The following KRT7 variants were observed in gnomAD, a reference collection of about 807,000 sequenced individuals.
KRT7 encodes keratin, type II cytoskeletal 7.
KRT7 carries 50 observed loss-of-function variants against 42.8 expected under a neutral mutation model. The ratio of observed to expected loss-of-function variants is 1.17; its 90% CI spans 0.93 to 1.48. The LOEUF is 1.48. Ranked by LOEUF, KRT7 falls within the 40% of genes most tolerant of loss-of-function variation. The pLI, the probability that KRT7 is intolerant of heterozygous loss-of-function variation, is 0.00. For synonymous variants in KRT7, 268 were observed against 266.3 expected (o/e 1.01, Z -0.06); for missense variants, 588 against 637.6 (o/e 0.92, Z 0.84).
At chr12:52,251,231 T>C (rs150525290), downstream of KRT7, among the ~76,000 whole-genome samples, 267 of 152,268 alleles carry the variant, frequency 1.8e-3, 1 homozygote, top group African/African-American at 6.1e-3. Flanking sequence ...CCACCTGCCT[T>C]GGCCTCCCAA....
intron 7 of KRT7, chr12:52,247,441 G>A (rs1370075278): frequency 1.3e-5 from 2 of 152,322 alleles, no homozygotes; most frequent in African/African-American, 4.8e-5. Flanking sequence ...AGAGGCCAGC[G>A]AGGCTCCCTT....
At position 52,238,059 on chromosome 12, in the gene KRT7, G is replaced by A. The variant is rs1367225687; in HGVS notation, c.597+490G>A. 2.0e-5 allele frequency among the ~76,000 whole-genome samples: 3 copies of A among 152,136 alleles called. No homozygotes were observed. The East Asian group carries it at 5.8e-4, about 29-fold the overall frequency. On this transcript the variant is annotated intron_variant, in intron 3 of 8. Coordinates refer to ENST00000331817, the MANE Select transcript of KRT7 (RefSeq NM_005556.4). Reference sequence around the variant, plus strand: ...ATTCTCTTCAATACACTGAGCAGTTGGTGTTCCAGGCCAAACCACAGAATT... The same window carrying A: ...ATTCTCTTCAATACACTGAGCAGTTAGTGTTCCAGGCCAAACCACAGAATT...
downstream of KRT7, among the ~76,000 whole-genome samples, chr12:52,251,320 GGAA>G (rs1381659915): frequency 1.3e-5 from 2 of 152,144 alleles, no homozygotes; most frequent in Admixed American, 6.5e-5. Context: ...GGGCCACACT[GGAA>G]GAAGAAGAAT....
Position 52,245,506 on chromosome 12 carries a change from C to T in KRT7, c.1079C>T (p.Ala360Val). ...ARAKQEELEA[A>V]LQRGKQDMAR... is the part of the protein sequence containing the mutation. Reference sequence around the variant, plus strand: ...GCCAAGCAGGAGGAGCTGGAAGCCGCCCTGCAGCGGGGCAAGCAGGATATG... The same window carrying T: ...GCCAAGCAGGAGGAGCTGGAAGCCGTCCTGCAGCGGGGCAAGCAGGATATG... The change falls in exon 7 of 9, where the codon GCC becomes GTC. Residue 360 changes from alanine (A) to valine (V), a missense_variant. Ala to Val is a moderately conservative substitution (Grantham distance 64). Coordinates refer to ENST00000331817, the MANE Select transcript of KRT7 (RefSeq NM_005556.4). 1 of 1,614,038 alleles carries T rather than the reference C, an allele frequency of 6.2e-7. No homozygotes were observed. Among genetic ancestry groups the T allele is most frequent in the Non-Finnish European group, 8.5e-7 (1 of 1,179,898 alleles).
In KRT7 at chr12:52,245,544, C is replaced by T. The variant is rs758674885; in HGVS notation, c.1117C>T (p.Arg373Cys). ...CAAGCAGGATATGGCACGGCAGCTG[C>T]GTGAGTACCAGGAACTCATGAGCGT... ...RGKQDMARQL[R>C]EYQELMSVKL... The change falls in exon 7 of 9, where the codon CGT becomes TGT. Residue 373 changes from arginine (R) to cysteine (C), a missense_variant. Physicochemically the swap from Arg to Cys is radical, Grantham distance 180. Coordinates refer to ENST00000331817, the MANE Select transcript of KRT7 (RefSeq NM_005556.4). 1.7e-5 allele frequency: 28 copies of T among 1,614,016 alleles called. No homozygotes were observed. Among genetic ancestry groups the T allele is most frequent in the African/African-American group, 1.3e-4 (10 of 74,944 alleles).
At chr12:52,254,786 G>A (rs907214004), downstream of KRT7, among the ~76,000 whole-genome samples, 1 of 152,168 alleles carries the variant, frequency 6.6e-6, no homozygotes, top group African/African-American at 2.4e-5. Context: ...TTCCAAGTCA[G>A]TGTCACTCTG....
chr12:52,244,593 T>C (rs1305160449), intron 6 of KRT7: 18 of 985,798 alleles, frequency 1.8e-5, no homozygotes, highest in Non-Finnish European at 2.2e-5. Context: ...GAAGAGGATC[T>C]GAGGATAGAG....
chr12:52,253,328 A>T, downstream of KRT7: 1 of 1,612,818 alleles, frequency 6.2e-7, no homozygotes, highest in Non-Finnish European at 8.5e-7. Context: ...CGTGGCCTTC[A>T]TCTCCTCACA....
chr12:52,254,530 A>G (rs1195083635), downstream of KRT7, among the ~76,000 whole-genome samples: 1 of 152,108 alleles, frequency 6.6e-6, no homozygotes, highest in Non-Finnish European at 1.5e-5. Context: ...AGCCCCTTAT[A>G]CAGTTAGTAG....
rs149349570 is a variant in KRT7, at chr12:52,235,202, G to A, written c.372G>A (p.Thr124=). ...ACAAGCTGCTGGAGACCAAGTGGAC[G>A]CTGCTGCAGGAGCAGAAGTCGGCCA... ...QQNKLLETKW[T]LLQEQKSAKS... The change falls in exon 2 of 9, where the codon ACG becomes ACA. Residue 124 remains threonine, a synonymous_variant. Transcript: ENST00000331817. The A allele has an allele frequency of 2.2e-5, 36 of 1,614,042 alleles. 1 individual carries two copies. In the South Asian group the frequency reaches 2.3e-4, roughly 10 times the overall value.
chr12:52,239,934 C>T (rs1565718846), intron 4 of KRT7, among the ~76,000 whole-genome samples: 1 of 152,226 alleles, frequency 6.6e-6, no homozygotes, highest in South Asian at 2.1e-4. Flanking sequence ...GGTGGCCAGT[C>T]ACCTGGCAGA....
intron 7 of KRT7, 182 bp from the exon 8 acceptor site, chr12:52,247,995 G>T: frequency 1.6e-6 from 1 of 634,130 alleles, no homozygotes; most frequent in Non-Finnish European, 2.8e-6. Flanking sequence ...GAAGGGCCAA[G>T]GTGAACACTC....
chr12:52,240,156 CAT>C (rs967811555), intron 4 of KRT7, among the ~76,000 whole-genome samples: 23 of 122,228 alleles, frequency 1.9e-4, no homozygotes, highest in Admixed American at 1.9e-4. Context: ...TGTAAACACA[CAT>C]GTGTACACAC....
At position 52,244,188 on chromosome 12, in the gene KRT7, C is replaced by T. The variant is rs974657720; in HGVS notation, c.984+1051C>T. Among the ~76,000 whole-genome samples, 2 of 152,256 alleles carry T rather than the reference C, an allele frequency of 1.3e-5. 1 individual carries two copies. The highest frequency in any genetic ancestry group is 1.3e-4 in the Admixed American group (2 of 15,290). ...GGTGATTTACCCACAAATGTCCTCC[C>T]CTTGGAGCCCTGTGGGCCTGTTTAC... On this transcript the variant is annotated intron_variant, in intron 6 of 8. Transcript: ENST00000331817.
chr12:52,254,925 G>A (rs1298349475), downstream of KRT7, among the ~76,000 whole-genome samples: 1 of 152,224 alleles, frequency 6.6e-6, no homozygotes. Flanking sequence ...GGCAAGGAAT[G>A]ACGGTCACTG....
chr12:52,253,486 C>T (rs925486298), downstream of KRT7: 2 of 1,547,226 alleles, frequency 1.3e-6, no homozygotes, highest in Non-Finnish European at 1.8e-6. Context: ...AGAGAGGCAG[C>T]CCTTATCTTC....
At chr12:52,236,093 C>G (rs1942008255) in intron 2 of KRT7, among the ~76,000 whole-genome samples, 1 of 152,002 alleles carries the variant, frequency 6.6e-6, no homozygotes, top group Admixed American at 6.5e-5. Flanking sequence ...CTGAGGGGCA[C>G]TGGGGCAGTG....
At chr12:52,253,019 T>C (rs1200064160), downstream of KRT7, among the ~76,000 whole-genome samples, 1 of 152,192 alleles carries the variant, frequency 6.6e-6, no homozygotes. Flanking sequence ...TGGAAGCACC[T>C]CATTCCCTCC....
At chr12:52,238,938 G>C (rs1942045962) in intron 4 of KRT7, among the ~76,000 whole-genome samples, 163 bp downstream of exon 4, 1 of 152,244 alleles carries the variant, frequency 6.6e-6, no homozygotes, top group Non-Finnish European at 1.5e-5. Context: ...CTGGAGAACA[G>C]CGAAAGTGAG....
Sources: allele counts gnomAD v4.1 joint callset (sites outside exome capture counted in the v4.1 genomes callset), GRCh38; gene constraint gnomAD v4.1.1; transcripts MANE v1.5; gene names NCBI Gene and HGNC (gene_info 2026-07-23, HGNC 2026-07-21).